FMN2: variants seen among roughly 807,000 people sequenced by gnomAD.
FMN2 encodes formin-2.
In FMN2, 51 loss-of-function variants were observed where a neutral mutation model predicts 142.3. The ratio of observed to expected loss-of-function variants is 0.36; its 90% CI spans 0.29 to 0.45. The LOEUF (loss-of-function observed/expected upper bound fraction) is 0.45, where lower values mean the gene tolerates loss of function less well. FMN2 is among the 20% of genes least tolerant of loss of function. FMN2 has a pLI of 1.00. For missense variants in FMN2, 1,936 were observed against 2,122.8 expected, an observed-to-expected ratio of 0.91 and a Z score of 1.73; for synonymous variants, 882 against 869.8, an observed-to-expected ratio of 1.01 and a Z score of -0.25.
chr1:240,170,980 A>C (rs1250447320), intron 2 of FMN2: 1 of 796,550 alleles, frequency 1.3e-6, no homozygotes, highest in Non-Finnish European at 2.3e-6. Context: ...ATGTATTAGG[A>C]ATGTCAAGGT....
intron 8 of FMN2, among the ~76,000 whole-genome samples, chr1:240,314,481 T>C (rs927373938): frequency 6.6e-6 from 1 of 152,188 alleles, no homozygotes; most frequent in Non-Finnish European, 1.5e-5. Context: ...TAGTCCAAAT[T>C]TCTACTTTTT....
chr1:240,289,665 G>T (rs1419287330), intron 7 of FMN2, among the ~76,000 whole-genome samples: 2 of 152,030 alleles, frequency 1.3e-5, no homozygotes, highest in African/African-American at 4.8e-5. Flanking sequence ...GGGTGACAGA[G>T]TGAGACCCTG....
intron 2 of FMN2, among the ~76,000 whole-genome samples, chr1:240,140,040 AG>A (rs1036708096): frequency 1.8e-4 from 27 of 152,084 alleles, no homozygotes; most frequent in Non-Finnish European, 3.7e-4. Context: ...AAGCTGCTGG[AG>A]GGTGTGGCCT....
At chr1:240,282,507 T>C (rs900847583) in intron 7 of FMN2, among the ~76,000 whole-genome samples, 1 of 152,212 alleles carries the variant, frequency 6.6e-6, no homozygotes, top group Non-Finnish European at 1.5e-5. Context: ...ATGCTGTTGG[T>C]ATATGTGCCA....
At chr1:240,433,383 A>T (rs1675245777) in intron 15 of FMN2, among the ~76,000 whole-genome samples, 2 of 152,208 alleles carry the variant, frequency 1.3e-5, no homozygotes, top group Non-Finnish European at 2.9e-5. Context: ...CGCGAGGAAA[A>T]CATTTCTAAC....
chr1:240,325,097 AG>A (rs922088268), intron 8 of FMN2, among the ~76,000 whole-genome samples: 1 of 152,096 alleles, frequency 6.6e-6, no homozygotes, highest in African/African-American at 2.4e-5. Flanking sequence ...GGGAAAATGA[AG>A]GGGATTCATA....
intron 16 of FMN2, among the ~76,000 whole-genome samples, chr1:240,447,822 C>CA (rs35435626): frequency 6.6e-6 from 1 of 152,028 alleles, no homozygotes; most frequent in African/African-American, 2.4e-5. Flanking sequence ...CGCATCTACT[C>CA]AAAAAAAGTT....
chr1:240,143,275 G>T, intron 2 of FMN2: 1 of 1,553,044 alleles, frequency 6.4e-7, no homozygotes, highest in Non-Finnish European at 8.9e-7. Context: ...AGGGTATCCA[G>T]GATGTTGATT....
At chr1:240,413,149 A>AG (rs1558478355) in intron 15 of FMN2, among the ~76,000 whole-genome samples, 30 of 135,564 alleles carry the variant, frequency 2.2e-4, no homozygotes, top group African/African-American at 8.3e-4. Context: ...AAAAAAAAAA[A>AG]GCAGCAAATA....
At chr1:240,097,625 G>A (rs543162108) in intron 1 of FMN2, among the ~76,000 whole-genome samples, 25 of 152,254 alleles carry the variant, frequency 1.6e-4, no homozygotes, top group African/African-American at 5.8e-4. Flanking sequence ...AAAGTGCTGG[G>A]ATTACAGGCG....
chr1:240,159,911 A>ATATATATATATATATATATATATCTGTG (rs1558328474), intron 2 of FMN2, among the ~76,000 whole-genome samples: 10 of 79,282 alleles, frequency 1.3e-4, no homozygotes, highest in African/African-American at 7.9e-4. Context: ...CTGTGTATAT[A>ATATATATATATATATATATATATCTGTG]TATATATATA....
rs1572204338 is a variant in FMN2, at chr1:240,334,012, T to A, written c.4644+66T>A. The A allele has an allele frequency of 1.9e-6, 3 of 1,574,730 alleles. No individual in the cohort carries two copies. In the East Asian group the frequency reaches 6.8e-5, roughly 36 times the overall value. ...TATTCGTTGGATGATTTGGCAGTAC[T>A]TTTTGTTGTTGTTTTTGTTTTGGAC... On this transcript the variant is annotated intron_variant, in intron 12 of 17. Coordinates refer to ENST00000319653, the MANE Select transcript of FMN2 (RefSeq NM_020066.5).
chr1:240,356,079 G>A (rs1389439064), intron 14 of FMN2, among the ~76,000 whole-genome samples, 171 bp downstream of exon 14: 1 of 151,470 alleles, frequency 6.6e-6, no homozygotes, highest in South Asian at 2.1e-4. Flanking sequence ...ATGAGTCACA[G>A]GGTTGTAAGA....
At chr1:240,333,509 A>G (rs1265656407) in intron 11 of FMN2, among the ~76,000 whole-genome samples, 1 of 152,190 alleles carries the variant, frequency 6.6e-6, no homozygotes, top group Non-Finnish European at 1.5e-5. Flanking sequence ...CTATATATCA[A>G]TGCTAAATTA....
At chr1:240,204,622 A>G (rs1031143009) in intron 4 of FMN2, among the ~76,000 whole-genome samples, 2 of 152,166 alleles carry the variant, frequency 1.3e-5, no homozygotes, top group Non-Finnish European at 2.9e-5. Context: ...GTGGTGGCAC[A>G]TGCCTGTAGC....
At position 240,341,319 on chromosome 1, in the gene FMN2, T is replaced by C. The variant is rs1316890696; in HGVS notation, c.4765+7090T>C. On this transcript the variant is annotated intron_variant, in intron 13 of 17. Transcript: ENST00000319653. ...TTGTTTCATCTGAAATGAATTCATC[T>C]TCCACTCAGTGATTTTATAAGTTGT... 2.0e-5 allele frequency: 3 copies of C among 152,204 alleles called. No homozygotes were observed. The East Asian group carries it at 5.8e-4, about 29-fold the overall frequency. 9.4% of individuals were successfully genotyped at this position (152,204 alleles called of 1,614,324 possible).
At chr1:240,345,015 A>T (rs74151640) in intron 13 of FMN2, among the ~76,000 whole-genome samples, 2,177 of 152,340 alleles carry the variant, frequency 0.014, 59 homozygotes, top group African/African-American at 0.049. Flanking sequence ...CCATGAGATT[A>T]TAGTCATTTA....
chr1:240,144,222 C>A, intron 2 of FMN2: 2 of 1,543,092 alleles, frequency 1.3e-6, no homozygotes, highest in Middle Eastern at 1.7e-4. Flanking sequence ...TTGTCTTAAA[C>A]AAAAGCTGCA....
Position 240,219,982 on chromosome 1 carries a change from T to C in FMN2, c.4065+8747T>C, listed in dbSNP as rs115024074. Among the ~76,000 whole-genome samples, 1,140 of 152,268 alleles carry C rather than the reference T, an allele frequency of 7.5e-3. 20 individuals carry two copies. Among genetic ancestry groups the C allele is most frequent in the African/African-American group, 0.026 (1,091 of 41,556 alleles). ...ACAACGAAATGGAAGATGTTTAGTA[T>C]TTCACCTTTAGTTTTTGTTAATTTA... On this transcript the variant is annotated intron_variant, in intron 6 of 17. Transcript: ENST00000319653.
Sources: gnomAD v4.1 joint callset for allele counts (sites outside exome capture counted in the v4.1 genomes callset) on GRCh38, gnomAD v4.1.1 for gene constraint, MANE v1.5 for transcripts, NCBI Gene and HGNC (gene_info 2026-07-23, HGNC 2026-07-21) for gene names.